ACAP2: variants seen among roughly 807,000 people sequenced by gnomAD.
ACAP2 encodes the protein ArfGAP with coiled-coil, ankyrin repeat and PH domains 2, also known as arf-GAP with coiled-coil, ANK repeat and PH domain-containing protein 2.
ACAP2 carries 39 observed loss-of-function variants against 115.8 expected under a neutral mutation model. The ratio of observed to expected loss-of-function variants is 0.34; its 90% CI spans 0.26 to 0.44. ACAP2 has a LOEUF of 0.44. Ranked by LOEUF, ACAP2 falls within the 20% of genes least tolerant of loss-of-function variation. The pLI, the probability that ACAP2 is intolerant of heterozygous loss-of-function variation, is 1.00. For synonymous variants in ACAP2, 289 were observed against 315.8 expected (o/e 0.92, Z 0.90); for missense variants, 662 against 927.6 (o/e 0.71, Z 3.72).
rs1726151312 is a variant in ACAP2, at chr3:195,275,312, A to G, written c.*4016T>C. 1 of 152,276 alleles carries G rather than the reference A, an allele frequency of 6.6e-6. No homozygotes were observed. Among genetic ancestry groups the G allele is most frequent in the South Asian group, 2.1e-4 (1 of 4,834 alleles). The allele number at this position is 152,276 out of a possible 1,614,324, so 9.4% of individuals were successfully genotyped here. ...TAAGTGGATAAATTTATGTAAACAG[A>G]AAAAGATGTCCACAAAACCATATCT... On this transcript the variant is annotated 3_prime_UTR_variant, in exon 23 of 23. Coordinates refer to ENST00000326793, the MANE Select transcript of ACAP2 (RefSeq NM_012287.6).
intron 18 of ACAP2, 37 bp from the exon 19 acceptor site, chr3:195,292,489 C>T (rs764667546): frequency 3.2e-6 from 5 of 1,546,928 alleles, no homozygotes; most frequent in Non-Finnish European, 4.3e-6. Flanking sequence ...TAAAAATGAG[C>T]TCTTGGCAGA....
chr3:195,355,512 G>C (rs1336399982), intron 4 of ACAP2, among the ~76,000 whole-genome samples: 1 of 152,042 alleles, frequency 6.6e-6, no homozygotes, highest in African/African-American at 2.4e-5. Flanking sequence ...GAAATTAACA[G>C]TATTATTCCA....
intron 1 of ACAP2, among the ~76,000 whole-genome samples, chr3:195,393,887 G>GT (rs1711532546): frequency 7.3e-6 from 1 of 136,506 alleles, no homozygotes; most frequent in African/African-American, 2.6e-5. Context: ...ATTATATTGG[G>GT]GGGGGGGGAA....
intron 1 of ACAP2, among the ~76,000 whole-genome samples, chr3:195,417,019 A>G (rs2108823799): frequency 6.6e-6 from 1 of 151,742 alleles, no homozygotes; most frequent in East Asian, 1.9e-4. Context: ...TGCTCAAGCA[A>G]TCCTGCCTCA....
chr3:195,415,282 CTTTT>C (rs60818924), intron 1 of ACAP2, among the ~76,000 whole-genome samples: 1 of 139,664 alleles, frequency 7.2e-6, no homozygotes. Flanking sequence ...CTAAAAAAGT[CTTTT>C]TTTTTTTTTT....
intron 13 of ACAP2, 73 bp from the exon 14 acceptor site, chr3:195,302,247 C>T: frequency 2.3e-6 from 3 of 1,320,296 alleles, no homozygotes; most frequent in Non-Finnish European, 3.1e-6. Flanking sequence ...CTACATGCTC[C>T]AAACTAAAGC....
intron 9 of ACAP2, chr3:195,326,682 C>T: frequency 2.1e-6 from 1 of 486,934 alleles, no homozygotes; most frequent in Non-Finnish European, 3.6e-6. Flanking sequence ...AGAAGCATAG[C>T]TTTCAAAGAT....
chr3:195,411,508 A>G lies in ACAP2; in HGVS notation c.54-19361T>C, dbSNP rs577453783. ...GTATACTTAAAAAATGGTCAAGACGATAAGTTTTATGTTATGTGTATTTAA... is the reference window on the plus strand; with the variant it reads ...GTATACTTAAAAAATGGTCAAGACGGTAAGTTTTATGTTATGTGTATTTAA... On this transcript the variant is annotated intron_variant, in intron 1 of 22. Transcript: ENST00000326793. Among the ~76,000 whole-genome samples, 24 of 152,348 alleles carry G rather than the reference A, an allele frequency of 1.6e-4. 1 individual carries two copies. The highest frequency in any genetic ancestry group is 1.3e-3 in the Admixed American group (20 of 15,298).
intron 1 of ACAP2, among the ~76,000 whole-genome samples, chr3:195,424,869 T>C (rs1217469184): frequency 3.5e-5 from 5 of 143,394 alleles, no homozygotes; most frequent in Admixed American, 2.2e-4. Context: ...TAAGCCATGA[T>C]TGTGCCACTG....
rs560512063 is a variant in ACAP2 at position 195,433,702 on chromosome 3, T to C, written c.53+9093A>G. On this transcript the variant is annotated intron_variant, in intron 1 of 22. Transcript: ENST00000326793. Reference sequence around the variant, plus strand: ...GCTTTTTCTGCATCTATTGAGATGATTGTGTTGTTTTAATACTTTACCCTA... The same window carrying C: ...GCTTTTTCTGCATCTATTGAGATGACTGTGTTGTTTTAATACTTTACCCTA... 6.6e-5 allele frequency among the ~76,000 whole-genome samples: 10 copies of C among 152,344 alleles called. No individual in the cohort carries two copies. The South Asian group carries it at 1.2e-3, about 19-fold the overall frequency.
chr3:195,339,992 C>A (rs1431912691), intron 6 of ACAP2, among the ~76,000 whole-genome samples: 1 of 151,136 alleles, frequency 6.6e-6, no homozygotes, highest in Non-Finnish European at 1.5e-5. Flanking sequence ...AATACGGCAA[C>A]ACAGAGAAGG....
rs763382249 is a variant in ACAP2 at position 195,442,773 on chromosome 3, G to A, written c.53+22C>T. 20 of 1,527,494 alleles carry A rather than the reference G, an allele frequency of 1.3e-5. No individual in the cohort carries two copies. The East Asian group carries it at 5.1e-4, about 39-fold the overall frequency. 94.6% of individuals were successfully genotyped at this position (1,527,494 alleles called of 1,614,324 possible). The stretch of plus-strand genomic sequence containing the variant: ...GCCGGGAAGGCAGCTCCGCGGTGAC[G>A]CCGGGCGGCCGTGCCGGTTACCTGA... On this transcript the variant is annotated intron_variant, in intron 1 of 22. Coordinates refer to ENST00000326793, the MANE Select transcript of ACAP2 (RefSeq NM_012287.6).
intron 2 of ACAP2, among the ~76,000 whole-genome samples, chr3:195,388,704 T>C (rs1734458080): frequency 6.6e-6 from 1 of 152,198 alleles, no homozygotes; most frequent in African/African-American, 2.4e-5. Context: ...CCATAGTTTC[T>C]AAAATAAAAA....
intron 10 of ACAP2, among the ~76,000 whole-genome samples, chr3:195,315,399 T>C (rs11921077): frequency 0.024 from 3,709 of 152,338 alleles, 142 homozygotes; most frequent in African/African-American, 0.083. Flanking sequence ...GTGAAAATGA[T>C]ATTAATTTGC....
chr3:195,299,415 CAA>C (rs66689467), intron 15 of ACAP2, among the ~76,000 whole-genome samples: 56 of 133,690 alleles, frequency 4.2e-4, no homozygotes, highest in Non-Finnish European at 4.7e-4. Flanking sequence ...ACAAAAAATA[CAA>C]AAAAAAAAAA....
rs148859777 is a variant in ACAP2 at position 195,371,869 on chromosome 3, G to C, written c.285+9140C>G. Among the ~76,000 whole-genome samples, 748 of 152,184 alleles carry C rather than the reference G, an allele frequency of 4.9e-3. 5 individuals are homozygous for C. Among genetic ancestry groups the C allele is most frequent in the African/African-American group, 0.017 (725 of 41,528 alleles). ...TAGAGATGGGGTTTTGCCATGCCCA[G>C]GCTGGTCTCAAACTCCTGGCCCCAA... On this transcript the variant is annotated intron_variant, in intron 4 of 22. Coordinates refer to ENST00000326793, the MANE Select transcript of ACAP2 (RefSeq NM_012287.6).
At chr3:195,429,692 C>G (rs1399492001) in intron 1 of ACAP2, among the ~76,000 whole-genome samples, 1 of 152,130 alleles carries the variant, frequency 6.6e-6, no homozygotes, top group Non-Finnish European at 1.5e-5. Context: ...AAGAAAAAAA[C>G]TATGAACACG....
At chr3:195,427,656 T>C (rs1577468132) in intron 1 of ACAP2, among the ~76,000 whole-genome samples, 2 of 152,152 alleles carry the variant, frequency 1.3e-5, no homozygotes, top group Non-Finnish European at 2.9e-5. Context: ...ACTCCTGTAA[T>C]CCTAGCACTT....
At chr3:195,384,346 C>G (rs1734146270) in intron 2 of ACAP2, among the ~76,000 whole-genome samples, 1 of 152,140 alleles carries the variant, frequency 6.6e-6, no homozygotes, top group Non-Finnish European at 1.5e-5. Flanking sequence ...AGAGAAAAAT[C>G]AAAATGTAGA....
Sources: gnomAD v4.1 joint callset for allele counts (sites outside exome capture counted in the v4.1 genomes callset) on GRCh38, gnomAD v4.1.1 for gene constraint, MANE v1.5 for transcripts, NCBI Gene and HGNC (gene_info 2026-07-23, HGNC 2026-07-21) for gene names.